The following PCDHB1 variants were observed in gnomAD, a reference collection of about 807,000 sequenced individuals.
PCDHB1 encodes the protein protocadherin beta 1.
PCDHB1 carries 44 observed loss-of-function variants against 43.5 expected under a neutral mutation model. The observed-to-expected ratio is 1.01, with a 90% CI of 0.79 to 1.30. PCDHB1 has a LOEUF of 1.30. PCDHB1 is among the 50% of genes most tolerant of loss of function. The pLI, the probability that PCDHB1 is intolerant of heterozygous loss-of-function variation, is 0.00. For synonymous variants in PCDHB1, 392 were observed against 400.8 expected, an observed-to-expected ratio of 0.98 and a Z score of 0.26; for missense variants, 919 against 1,008.9, an observed-to-expected ratio of 0.91 and a Z score of 1.21.
In PCDHB1 at chr5:141,053,970, A is replaced by G. The variant is rs1563795208; in HGVS notation, c.*43A>G. On this transcript the variant is annotated 3_prime_UTR_variant, in exon 1 of 1. Transcript: ENST00000306549. ...AGTGAGAGAAGAGAAGCAAAATTTT[A>G]TACTTGGTATGCAAAGATGTTACAT... 2.1e-5 allele frequency: 31 copies of G among 1,509,002 alleles called. 1 individual carries two copies. The East Asian group carries it at 6.6e-4, about 32-fold the overall frequency. The allele number at this position is 1,509,002 out of a possible 1,614,324, so 93.5% of individuals were successfully genotyped here.
At position 141,054,742 on chromosome 5, in the gene PCDHB1, G is replaced by A. The variant is rs1363946396; in HGVS notation, c.*815G>A. On this transcript the variant is annotated 3_prime_UTR_variant, in exon 1 of 1. Coordinates refer to ENST00000306549, the MANE Select transcript of PCDHB1 (RefSeq NM_013340.4). ...GAGTTTTTCTCTTGTTGCCCAGACT[G>A]GAGTGCAATGGCACGATCTCGGCTC... is the stretch of plus-strand genomic sequence containing the variant. The A allele has an allele frequency of 7.5e-6, 1 of 132,734 alleles. No homozygotes were observed. The allele number at this position is 132,734 out of a possible 1,614,324, so 8.2% of individuals were successfully genotyped here.
chr5:141,056,599 T>TTTTATTTA lies in PCDHB1; in HGVS notation c.*2684_*2691dup, dbSNP rs1347986481. On this transcript the variant is annotated 3_prime_UTR_variant, in exon 1 of 1. Transcript: ENST00000306549. Reference sequence around the variant, plus strand: ...CTTTAAATGAAAAAGGAGATAGAATTTTTATTTATTTATTTATTTTTTGGA... The same window carrying TTTTATTTA: ...CTTTAAATGAAAAAGGAGATAGAATTTTTATTTATTTATTTATTTATTTATTTTTTGGA... 1 of 152,214 alleles carries TTTTATTTA rather than the reference T, an allele frequency of 6.6e-6. No individual in the cohort carries two copies. The highest frequency in any genetic ancestry group is 1.9e-4 in the East Asian group (1 of 5,180). The allele number at this position is 152,214 out of a possible 1,614,324, so 9.4% of individuals were successfully genotyped here.
In PCDHB1 at chr5:141,052,989, A is replaced by G; in HGVS notation, c.1519A>G (p.Ile507Val). Residue 507 changes from isoleucine to valine, a missense_variant, in exon 1 of 1, where the codon ATA becomes GTA. Ile to Val is a conservative substitution (Grantham distance 29). Transcript: ENST00000306549. Reference sequence around the variant, plus strand: ...TCTTTCAGTCTTTGCTTACATATCCATAAATTCAGGCAATGGGAAGCTCTA... The same window carrying G: ...TCTTTCAGTCTTTGCTTACATATCCGTAAATTCAGGCAATGGGAAGCTCTA... The part of the protein sequence containing the change: ...GDLSVFAYIS[I>V]NSGNGKLYAL... 1.2e-6 allele frequency: 2 copies of G among 1,614,192 alleles called. No homozygotes were observed. The highest frequency in any genetic ancestry group is 1.7e-6 in the Non-Finnish European group (2 of 1,180,024).
Position 141,053,973 on chromosome 5 carries a change from C to A in PCDHB1, c.*46C>A. On this transcript the variant is annotated 3_prime_UTR_variant, in exon 1 of 1. Coordinates refer to ENST00000306549, the MANE Select transcript of PCDHB1 (RefSeq NM_013340.4). ...GAGAGAAGAGAAGCAAAATTTTATA[C>A]TTGGTATGCAAAGATGTTACATCCT... 6.7e-7 allele frequency: 1 copy of A among 1,499,666 alleles called. No individual in the cohort carries two copies. Among genetic ancestry groups the A allele is most frequent in the Non-Finnish European group, 9.1e-7 (1 of 1,101,898 alleles). The allele number at this position is 1,499,666 out of a possible 1,614,324, so 92.9% of individuals were successfully genotyped here. A position where few individuals can be genotyped will look rare whatever the true frequency, so the allele number is the denominator to read the frequency against.
Position 141,053,329 on chromosome 5 carries a change from G to T in PCDHB1, c.1859G>T (p.Arg620Ile). The change falls in exon 1 of 1, where the codon AGA (arginine) becomes ATA (isoleucine). Residue 620 changes from arginine (R) to isoleucine (I), a missense_variant. Transcript: ENST00000306549. ...ATDLGLFSVQ[R>I]QNGEIHTLRQ... ...GACCTTGGGTTATTTTCTGTTCAAA[G>T]ACAAAATGGAGAAATCCATACATTA... is the stretch of plus-strand genomic sequence containing the variant. The T allele has an allele frequency of 6.2e-7, 1 of 1,614,174 alleles. No homozygotes were observed. Among genetic ancestry groups the T allele is most frequent in the Non-Finnish European group, 8.5e-7 (1 of 1,180,024 alleles).
At position 141,058,314 on chromosome 5, in the gene PCDHB1, C is replaced by A. The variant is rs1052843698; in HGVS notation, c.*4387C>A. 34 of 152,280 alleles carry A rather than the reference C, an allele frequency of 2.2e-4. No homozygotes were observed. Among genetic ancestry groups the A allele is most frequent in the African/African-American group, 7.7e-4 (32 of 41,566 alleles). 9.4% of individuals were successfully genotyped at this position (152,280 alleles called of 1,614,324 possible). A position where few individuals can be genotyped will look rare whatever the true frequency, so the allele number is the denominator to read the frequency against. ...CATGACTTGAGATTTTTGAAGAGTA[C>A]TAGCCAGTTATTTGTAGAATGCCCC... On this transcript the variant is annotated 3_prime_UTR_variant, in exon 1 of 1. Coordinates refer to ENST00000306549, the MANE Select transcript of PCDHB1 (RefSeq NM_013340.4).
rs1751077494 is a variant in PCDHB1 at position 141,054,366 on chromosome 5, G to C, written c.*439G>C. The C allele has an allele frequency of 6.2e-6, 1 of 160,280 alleles. No homozygotes were observed. The highest frequency in any genetic ancestry group is 1.4e-5 in the Non-Finnish European group (1 of 72,358). The allele number at this position is 160,280 out of a possible 1,614,324, so 9.9% of individuals were successfully genotyped here. A position where few individuals can be genotyped will look rare whatever the true frequency, so the allele number is the denominator to read the frequency against. ...TCCAGTAGAAAGTTATGCATGCATAGGGAAGAGAACTACCTTCCCTTTTTG... is the reference window on the plus strand; with the variant it reads ...TCCAGTAGAAAGTTATGCATGCATACGGAAGAGAACTACCTTCCCTTTTTG... On this transcript the variant is annotated 3_prime_UTR_variant, in exon 1 of 1. Transcript: ENST00000306549.
At position 141,054,080 on chromosome 5, in the gene PCDHB1, T is replaced by A. The variant is rs1310940973; in HGVS notation, c.*153T>A. On this transcript the variant is annotated 3_prime_UTR_variant, in exon 1 of 1. Coordinates refer to ENST00000306549, the MANE Select transcript of PCDHB1 (RefSeq NM_013340.4). ...TTTGGTGAAAATGGGAAACCTAGAG[T>A]GAGGCTAGGCTTACTCAATACAAAG... 1.1e-5 allele frequency: 7 copies of A among 634,946 alleles called. No homozygotes were observed. The highest frequency in any genetic ancestry group is 1.9e-5 in the Non-Finnish European group (7 of 370,020). 39.3% of individuals were successfully genotyped at this position (634,946 alleles called of 1,614,324 possible).
Position 141,055,476 on chromosome 5 carries a change from TTAA to T in PCDHB1, c.*1553_*1555del, listed in dbSNP as rs1751113843. ...CATAAATACATAAGGCCTGCTGTAG[TTAA>T]TAAGTGTTACAGAACACTCTAAACT... On this transcript the variant is annotated 3_prime_UTR_variant, in exon 1 of 1. Transcript: ENST00000306549. 6.6e-6 allele frequency: 1 copy of T among 152,168 alleles called. No homozygotes were observed. The highest frequency in any genetic ancestry group is 1.5e-5 in the Non-Finnish European group (1 of 68,022). 9.4% of individuals were successfully genotyped at this position (152,168 alleles called of 1,614,324 possible). A position where few individuals can be genotyped will look rare whatever the true frequency, so the allele number is the denominator to read the frequency against.
rs1750994897 is a variant in PCDHB1 at position 141,052,140 on chromosome 5, G to A, written c.670G>A (p.Gly224Ser). ...AVDGGSPPKS[G>S]TAHIHVVVLD... ...GGACGGCGGGTCCCCGCCTAAGTCT[G>A]GCACAGCTCACATCCACGTGGTGGT... Residue 224 changes from glycine (G) to serine (S), a missense_variant, in exon 1 of 1, where the codon GGC (glycine) becomes AGC (serine). By Grantham distance (56) the Gly-to-Ser change is moderately conservative (BLOSUM62 0). Transcript: ENST00000306549. 1 of 1,613,314 alleles carries A rather than the reference G, an allele frequency of 6.2e-7. No individual in the cohort carries two copies. The highest frequency in any genetic ancestry group is 1.3e-5 in the African/African-American group (1 of 74,916).
In PCDHB1 at chr5:141,052,133, TAA is replaced by T. The variant is rs1554267191; in HGVS notation, c.664_665del (p.Lys222ValfsTer73). 2 of 1,613,168 alleles carry T rather than the reference TAA, an allele frequency of 1.2e-6. No homozygotes were observed. The highest frequency in any genetic ancestry group is 2.7e-5 in the African/African-American group (2 of 74,876). ...CGGCGGTGGACGGCGGGTCCCCGCC[TAA>T]GTCTGGCACAGCTCACATCCACGTG... The part of the protein sequence containing the change: ...ITAVDGGSPP[K>X]SGTAHIHVVV... On this transcript the variant is annotated frameshift_variant, in exon 1 of 1. Transcript: ENST00000306549. LOFTEE classifies it high-confidence loss of function.
At position 141,052,729 on chromosome 5, in the gene PCDHB1, T is replaced by C. The variant is rs907223985; in HGVS notation, c.1259T>C (p.Ile420Thr). 1 of 1,614,122 alleles carries C rather than the reference T, an allele frequency of 6.2e-7. No homozygotes were observed. ...LDREEVSGYN[I>T]TIVAMDTGPP... Reference sequence around the variant, plus strand: ...CGGGAGGAGGTCTCAGGCTATAATATCACCATTGTTGCCATGGATACTGGA... The same window carrying C: ...CGGGAGGAGGTCTCAGGCTATAATACCACCATTGTTGCCATGGATACTGGA... Residue 420 changes from isoleucine (I) to threonine (T), a missense_variant, in exon 1 of 1, where the codon ATC (isoleucine) becomes ACC (threonine). Coordinates refer to ENST00000306549, the MANE Select transcript of PCDHB1 (RefSeq NM_013340.4).
rs1482585894 is a variant in PCDHB1, at chr5:141,058,854, T to C, written c.*4927T>C. On this transcript the variant is annotated 3_prime_UTR_variant, in exon 1 of 1. Transcript: ENST00000306549. ...AACTTGTTACTTTCCCCCCCACTTATTTAGTTAGTTATTTCTTTACATAAG... is the reference window on the plus strand; with the variant it reads ...AACTTGTTACTTTCCCCCCCACTTACTTAGTTAGTTATTTCTTTACATAAG... 6 of 152,152 alleles carry C rather than the reference T, an allele frequency of 3.9e-5. No individual in the cohort carries two copies. The highest frequency in any genetic ancestry group is 8.8e-5 in the Non-Finnish European group (6 of 67,992). The allele number at this position is 152,152 out of a possible 1,614,324, so 9.4% of individuals were successfully genotyped here.
rs1423524433 is a variant in PCDHB1, at chr5:141,053,631, A to T, written c.2161A>T (p.Arg721Ter). 6.2e-7 allele frequency: 1 copy of T among 1,614,098 alleles called. No individual in the cohort carries two copies. Among genetic ancestry groups the T allele is most frequent in the East Asian group, 2.2e-5 (1 of 44,886 alleles). The change falls in exon 1 of 1, where the codon AGA (arginine) becomes TGA (stop). Residue 721 changes from arginine (R) to a stop codon, truncating the protein, a stop_gained. Transcript: ENST00000306549. LOFTEE classifies it high-confidence loss of function. ...IIHVYQKIKY[R>*]EKFTIQEHFY... ...ACATGTCTACCAAAAGATTAAATAT[A>T]GAGAAAAGTTCACAATTCAAGAGCA...
Position 141,052,501 on chromosome 5 carries a change from C to T in PCDHB1, c.1031C>T (p.Pro344Leu). The T allele has an allele frequency of 6.2e-7, 1 of 1,614,160 alleles. No individual in the cohort carries two copies. The highest frequency in any genetic ancestry group is 1.3e-5 in the African/African-American group (1 of 75,050). ...LVEVVDVNDN[P>L]PEVMVSSVSS... ...GAAGTGGTGGATGTGAATGACAATC[C>T]TCCCGAAGTGATGGTCTCCTCTGTG... Residue 344 changes from proline to leucine, a missense_variant, in exon 1 of 1, where the codon CCT (proline) becomes CTT (leucine). Coordinates refer to ENST00000306549, the MANE Select transcript of PCDHB1 (RefSeq NM_013340.4).
At position 141,052,970 on chromosome 5, in the gene PCDHB1, A is replaced by G; in HGVS notation, c.1500A>G (p.Ser500=). ...TGCCTCCAAAAAACGGAGATCTTTCAGTCTTTGCTTACATATCCATAAATT... is the reference window on the plus strand; with the variant it reads ...TGCCTCCAAAAAACGGAGATCTTTCGGTCTTTGCTTACATATCCATAAATT... ...SLLPPKNGDL[S]VFAYISINSG... is the part of the protein sequence containing the mutation. The change falls in exon 1 of 1, where the codon TCA becomes TCG. Residue 500 remains serine, a synonymous_variant. Transcript: ENST00000306549. 1 of 1,614,214 alleles carries G rather than the reference A, an allele frequency of 6.2e-7. No individual in the cohort carries two copies. The highest frequency in any genetic ancestry group is 8.5e-7 in the Non-Finnish European group (1 of 1,180,036).
In PCDHB1 at chr5:141,051,751, C is replaced by G; in HGVS notation, c.281C>G (p.Ser94Ter). 6.2e-7 allele frequency: 1 copy of G among 1,614,246 alleles called. No individual in the cohort carries two copies. Among genetic ancestry groups the G allele is most frequent in the Non-Finnish European group, 8.5e-7 (1 of 1,180,050 alleles). ...LFVKEKLDRE[S>*]LCGKADPCVL... Reference sequence around the variant, plus strand: ...GTGAAGGAGAAACTGGATCGGGAGTCACTTTGTGGCAAAGCCGACCCTTGT... The same window carrying G: ...GTGAAGGAGAAACTGGATCGGGAGTGACTTTGTGGCAAAGCCGACCCTTGT... Residue 94 changes from serine (S) to a stop codon, truncating the protein, a stop_gained, in exon 1 of 1, where the codon TCA becomes TGA. Coordinates refer to ENST00000306549, the MANE Select transcript of PCDHB1 (RefSeq NM_013340.4). LOFTEE classifies it high-confidence loss of function.
chr5:141,057,877 GA>G lies in PCDHB1; in HGVS notation c.*3953del, dbSNP rs1751167168. On this transcript the variant is annotated 3_prime_UTR_variant, in exon 1 of 1. Coordinates refer to ENST00000306549, the MANE Select transcript of PCDHB1 (RefSeq NM_013340.4). ...TATCAGCAAATTAAGACAAAGAATG[GA>G]AATAATTAGGGCAATTACTCTCTCC... 1 of 152,112 alleles carries G rather than the reference GA, an allele frequency of 6.6e-6. No homozygotes were observed. The highest frequency in any genetic ancestry group is 2.4e-5 in the African/African-American group (1 of 41,420). The allele number at this position is 152,112 out of a possible 1,614,324, so 9.4% of individuals were successfully genotyped here.
chr5:141,053,453 C>A lies in PCDHB1; in HGVS notation c.1983C>A (p.Ile661=), dbSNP rs2233594. The change falls in exon 1 of 1, where the codon ATC becomes ATA. Residue 661 remains isoleucine, a synonymous_variant. Coordinates refer to ENST00000306549, the MANE Select transcript of PCDHB1 (RefSeq NM_013340.4). ...PALSTTVSLN[I]LLVDGFSEPY... The stretch of plus-strand genomic sequence containing the variant: ...TTTCCACTACTGTCTCACTCAACAT[C>A]CTGCTGGTAGATGGCTTTTCAGAGC... 7.4e-6 allele frequency: 12 copies of A among 1,614,058 alleles called. No homozygotes were observed. Among genetic ancestry groups the A allele is most frequent in the Non-Finnish European group, 1.0e-5 (12 of 1,180,030 alleles).
Sources: allele counts gnomAD v4.1 joint callset, GRCh38; gene constraint gnomAD v4.1.1; transcripts MANE v1.5; gene names NCBI Gene and HGNC (gene_info 2026-07-23, HGNC 2026-07-21).